TENM2: variants seen among roughly 807,000 people sequenced by gnomAD.
TENM2 encodes the protein teneurin-2.
A neutral mutation model predicts 245.2 loss-of-function variants in TENM2; 52 were observed. That is an observed-to-expected ratio of 0.21 (90% CI 0.17 to 0.27). The LOEUF (loss-of-function observed/expected upper bound fraction) is 0.27. Among genes scored for constraint, TENM2 ranks in the 10% least tolerant of loss-of-function variants. TENM2 has a pLI of 1.00. For missense variants in TENM2, 3,046 were observed against 3,666.8 expected, an observed-to-expected ratio of 0.83 and a Z score of 4.37; for synonymous variants, 1,363 against 1,438.9, an observed-to-expected ratio of 0.95 and a Z score of 1.19.
chr5:167,030,882 T>C, the TENM2 span, among the ~76,000 whole-genome samples: 1 of 152,158 alleles, frequency 6.6e-6, no homozygotes, highest in Non-Finnish European at 1.5e-5. Flanking sequence ...GCAGGGCTCA[T>C]TGGGCTGATG....
the TENM2 span, among the ~76,000 whole-genome samples, chr5:167,228,289 C>T: frequency 6.6e-6 from 1 of 151,896 alleles, no homozygotes; most frequent in African/African-American, 2.4e-5. Context: ...TTCAGCTTCC[C>T]AAAGTGCTGG....
chr5:167,756,733 A>G (rs1197797399), intron 2 of TENM2, among the ~76,000 whole-genome samples: 1 of 152,162 alleles, frequency 6.6e-6, no homozygotes, highest in East Asian at 1.9e-4. Flanking sequence ...AACCTTGAGA[A>G]CTAGGAGCAC....
At chr5:167,431,916 T>TATATATATAC (rs1582027459) in intron 2 of TENM2, among the ~76,000 whole-genome samples, 2 of 137,040 alleles carry the variant, frequency 1.5e-5, no homozygotes, top group Non-Finnish European at 3.1e-5. Flanking sequence ...CAAGGTGTGA[T>TATATATATAC]ATATATATAT....
exon 14 of TENM2, chr5:168,190,450 G>T (rs1374119910): frequency 6.2e-7 from 1 of 1,613,892 alleles, no homozygotes; most frequent in African/African-American, 1.3e-5. Flanking sequence ...GGGCCAGACG[G>T]ATTGGCCCGC....
Position 167,353,552 on chromosome 5 carries a change from G to C in TENM2, c.227-21646G>C, listed in dbSNP as rs563444407. ...AGACGGAGTCTCGCTCTGTCGCCCA[G>C]GCTGGAGTGCAGTGGCGGGATCTCG... On this transcript the variant is annotated intron_variant, in intron 1 of 28. Coordinates refer to ENST00000518659, the Ensembl canonical transcript of TENM2. Among the ~76,000 whole-genome samples the C allele has an allele frequency of 4.5e-5, 5 of 112,114 alleles. No homozygotes were observed. In the Admixed American group the frequency reaches 7.0e-4, roughly 16 times the overall value. The allele number at this position is 112,114 out of a possible 152,430, so 73.6% of individuals were successfully genotyped here.
the TENM2 span, among the ~76,000 whole-genome samples, chr5:167,167,566 ACT>A: frequency 1.3e-5 from 2 of 152,032 alleles, no homozygotes; most frequent in East Asian, 1.9e-4. Context: ...ATTTTTCACA[ACT>A]CTCATTAAAA....
the TENM2 span, among the ~76,000 whole-genome samples, chr5:167,173,828 T>C: frequency 6.6e-6 from 1 of 151,966 alleles, no homozygotes; most frequent in African/African-American, 2.4e-5. Flanking sequence ...ATAGAAGTAA[T>C]ATCGCAATGG....
chr5:167,439,280 G>A (rs1029269053), intron 2 of TENM2, among the ~76,000 whole-genome samples: 6 of 152,166 alleles, frequency 3.9e-5, no homozygotes, highest in African/African-American at 1.4e-4. Context: ...TGCTCTGGAT[G>A]GGCAGACTTG....
rs1419368736 is a variant in TENM2, at chr5:167,604,079, T to C, written c.502+228606T>C. The stretch of plus-strand genomic sequence containing the variant: ...AACAATATACTAGCCTTGTTTCTGA[T>C]TTTCTTAAAATTAACTAAATTTAAA... On this transcript the variant is annotated intron_variant, in intron 2 of 28. Coordinates refer to ENST00000518659, the Ensembl canonical transcript of TENM2. Among the ~76,000 whole-genome samples, 4 of 152,168 alleles carry C rather than the reference T, an allele frequency of 2.6e-5. No homozygotes were observed. The East Asian group carries it at 7.7e-4, about 29-fold the overall frequency.
chr5:167,924,388 G>A (rs778611774), intron 3 of TENM2, among the ~76,000 whole-genome samples: 8 of 152,200 alleles, frequency 5.3e-5, no homozygotes, highest in African/African-American at 7.2e-5. Context: ...TGGGCCAAAC[G>A]TTGTTTTTCT....
In TENM2 at chr5:167,507,434, A is replaced by T. The variant is rs61654256; in HGVS notation, c.502+131961A>T. ...CCACGCAATCTAGCAAAGATACCTA[A>T]GATTTATATGGAAGAGTATATCTTT... On this transcript the variant is annotated intron_variant, in intron 2 of 28. Transcript: ENST00000518659. Among the ~76,000 whole-genome samples, 947 of 152,320 alleles carry T rather than the reference A, an allele frequency of 6.2e-3. 13 individuals carry two copies. Among genetic ancestry groups the T allele is most frequent in the African/African-American group, 0.022 (904 of 41,570 alleles).
the TENM2 span, among the ~76,000 whole-genome samples, chr5:167,154,651 G>T: frequency 1.3e-5 from 2 of 152,072 alleles, no homozygotes; most frequent in Admixed American, 1.3e-4. Flanking sequence ...GCCTGCAAAT[G>T]CAAATCTACA....
intron 12 of TENM2, among the ~76,000 whole-genome samples, chr5:168,142,836 C>A (rs981421649): frequency 2.0e-5 from 3 of 152,204 alleles, no homozygotes; most frequent in African/African-American, 7.2e-5. Context: ...CTAAATGATC[C>A]CCTGCCTTGA....
At chr5:167,080,824 T>C in the TENM2 span, among the ~76,000 whole-genome samples, 1 of 152,108 alleles carries the variant, frequency 6.6e-6, no homozygotes, top group Non-Finnish European at 1.5e-5. Flanking sequence ...TTTAAAAGAA[T>C]GCGTAGCCTG....
the TENM2 span, among the ~76,000 whole-genome samples, chr5:167,144,555 G>A: frequency 2.6e-5 from 4 of 151,868 alleles, no homozygotes; most frequent in Non-Finnish European, 5.9e-5. Context: ...TGATGGTCAC[G>A]TTTTGCCCAA....
intron 2 of TENM2, among the ~76,000 whole-genome samples, chr5:167,719,775 C>G (rs962399805): frequency 6.6e-6 from 1 of 152,160 alleles, no homozygotes; most frequent in Admixed American, 6.6e-5. Flanking sequence ...GTTTTGTACA[C>G]GTGGGTGAGT....
At position 167,692,424 on chromosome 5, in the gene TENM2, C is replaced by T. The variant is rs1757492343; in HGVS notation, c.503-183562C>T. On this transcript the variant is annotated intron_variant, in intron 2 of 28. Transcript: ENST00000518659. ...TCTGATTCCATTTGTTTGGGGTGAA[C>T]CTGAGGAATCTGTATTTTTAATTAA... Among the ~76,000 whole-genome samples the T allele has an allele frequency of 3.3e-5, 5 of 152,200 alleles. No individual in the cohort carries two copies. In the South Asian group the frequency reaches 1.0e-3, roughly 32 times the overall value.
Position 167,535,849 on chromosome 5 carries a change from T to C in TENM2, c.502+160376T>C, listed in dbSNP as rs150791159. ...AGCATAAATGGACTAAGACAAGCCA[T>C]AAGAATTAGAGCTCACAAATCAAAG... On this transcript the variant is annotated intron_variant, in intron 2 of 28. Transcript: ENST00000518659. 3.3e-5 allele frequency among the ~76,000 whole-genome samples: 5 copies of C among 152,300 alleles called. No individual in the cohort carries two copies. In the East Asian group the frequency reaches 9.6e-4, roughly 29 times the overall value.
chr5:168,047,276 A>G (rs1169153129), intron 5 of TENM2, 151 bp from the exon 8 acceptor site: 2 of 781,716 alleles, frequency 2.6e-6, no homozygotes, highest in Non-Finnish European at 2.1e-6. Context: ...TGCTTTCTGT[A>G]TTTAGCTAAT....
Sources: gnomAD v4.1 joint callset for allele counts (sites outside exome capture counted in the v4.1 genomes callset) on GRCh38, gnomAD v4.1.1 for gene constraint, MANE v1.5 for transcripts, NCBI Gene and HGNC (gene_info 2026-07-23, HGNC 2026-07-21) for gene names.